Variants in NBEA observed in about 807,000 individuals in gnomAD.
NBEA encodes the protein lysosomal-trafficking regulator 2.
A neutral mutation model predicts 343.4 loss-of-function variants in NBEA; 44 were observed. The observed-to-expected ratio is 0.13, with a 90% CI of 0.10 to 0.16. NBEA has a LOEUF of 0.16. Among genes scored for constraint, NBEA ranks in the 10% least tolerant of loss-of-function variants. NBEA has a pLI of 1.00. For synonymous variants in NBEA, 1,175 were observed against 1,238.7 expected (o/e 0.95, Z 1.08); for missense variants, 2,555 against 3,631.3 (o/e 0.70, Z 7.62).
intron 41 of NBEA, among the ~76,000 whole-genome samples, chr13:35,473,674 G>T (rs760248259): frequency 1.1e-4 from 17 of 152,076 alleles, no homozygotes; most frequent in Non-Finnish European, 2.4e-4. Context: ...CTTAAATTTT[G>T]TGTTCATCCT....
intron 46 of NBEA, among the ~76,000 whole-genome samples, chr13:35,585,773 G>T (rs1264437278): frequency 6.6e-6 from 1 of 151,996 alleles, no homozygotes; most frequent in Non-Finnish European, 1.5e-5. Flanking sequence ...TCACTCAGCT[G>T]CCCAATCTAG....
At chr13:35,128,889 A>G (rs1414657517) in intron 17 of NBEA, among the ~76,000 whole-genome samples, 2 of 152,030 alleles carry the variant, frequency 1.3e-5, no homozygotes, top group Non-Finnish European at 2.9e-5. Flanking sequence ...TTAACCCTTC[A>G]CCCTACTTAA....
intron 10 of NBEA, among the ~76,000 whole-genome samples, chr13:35,081,848 A>C (rs1344072417): frequency 1.3e-5 from 2 of 152,122 alleles, no homozygotes; most frequent in Non-Finnish European, 2.9e-5. Context: ...CATTCATAGA[A>C]TGTGTAATGA....
chr13:35,118,309 C>A lies in NBEA; in HGVS notation c.2145+19C>A. 6.4e-7 allele frequency: 1 copy of A among 1,563,204 alleles called. No individual in the cohort carries two copies. Among genetic ancestry groups the A allele is most frequent in the South Asian group, 1.2e-5 (1 of 84,442 alleles). On this transcript the variant is annotated intron_variant, in intron 15 of 58. Transcript: ENST00000379939. Reference sequence around the variant, plus strand: ...GCATGAGGTAGGACATGTTATGGGCCTTTTATTTTAATTATTTAAGCCAAT... The same window carrying A: ...GCATGAGGTAGGACATGTTATGGGCATTTTATTTTAATTATTTAAGCCAAT...
At chr13:35,648,367 G>C (rs566687533) in intron 51 of NBEA, among the ~76,000 whole-genome samples, 3 of 152,074 alleles carry the variant, frequency 2.0e-5, no homozygotes, top group Admixed American at 2.0e-4. Context: ...TGTAGACATA[G>C]AGATGTGGCC....
intron 40 of NBEA, among the ~76,000 whole-genome samples, chr13:35,471,618 C>G (rs2075652200): frequency 6.6e-6 from 1 of 152,148 alleles, no homozygotes; most frequent in Admixed American, 6.5e-5. Flanking sequence ...TCAACCTTAA[C>G]AGATTGAGGG....
chr13:35,542,465 A>G lies in NBEA; in HGVS notation c.6586-8012A>G, dbSNP rs560232607. ...TGATCAATCTTTTGGTCCATATTACATTTTACTGACTATAGTGCCTGCCCT... is the reference window on the plus strand; with the variant it reads ...TGATCAATCTTTTGGTCCATATTACGTTTTACTGACTATAGTGCCTGCCCT... On this transcript the variant is annotated intron_variant, in intron 41 of 58. Coordinates refer to ENST00000379939, the MANE Select transcript of NBEA (RefSeq NM_001385012.1). Among the ~76,000 whole-genome samples the G allele has an allele frequency of 4.6e-4, 70 of 152,198 alleles. 4 individuals carry two copies. In the South Asian group the frequency reaches 0.014, roughly 30 times the overall value.
intron 41 of NBEA, among the ~76,000 whole-genome samples, chr13:35,505,229 TA>T (rs754936689): frequency 3.9e-5 from 6 of 152,038 alleles, no homozygotes; most frequent in Non-Finnish European, 8.8e-5. Context: ...ACTGGCTTTT[TA>T]AAAAAAATTA....
chr13:35,401,016 A>G (rs1594490054), intron 38 of NBEA, among the ~76,000 whole-genome samples: 1 of 152,016 alleles, frequency 6.6e-6, no homozygotes, highest in East Asian at 1.9e-4. Flanking sequence ...AGCAGAATTC[A>G]TAATTCCTTC....
chr13:34,943,539 C>T (rs1203926607), intron 1 of NBEA, among the ~76,000 whole-genome samples: 2 of 152,148 alleles, frequency 1.3e-5, no homozygotes, highest in Admixed American at 6.5e-5. Context: ...GCCTAAATTC[C>T]CCCGTGCTGC....
intron 45 of NBEA, among the ~76,000 whole-genome samples, chr13:35,582,501 A>C (rs1247211536): frequency 2.0e-5 from 3 of 152,136 alleles, no homozygotes; most frequent in Non-Finnish European, 2.9e-5. Context: ...AATTTAACAC[A>C]ATAAAATTTA....
chr13:35,244,942 C>T (rs534777468), intron 34 of NBEA, among the ~76,000 whole-genome samples: 1 of 152,206 alleles, frequency 6.6e-6, no homozygotes, highest in South Asian at 2.1e-4. Flanking sequence ...GATTCGTCTA[C>T]ATTAACTTTA....
chr13:35,054,615 T>TTTCACTG (rs1332907282), intron 6 of NBEA, among the ~76,000 whole-genome samples: 6 of 134,956 alleles, frequency 4.4e-5, no homozygotes, highest in African/African-American at 1.5e-4. Flanking sequence ...TAATACACTG[T>TTTCACTG]TTTTTTTTTC....
At chr13:35,010,548 TCCA>T (rs2061447189) in intron 1 of NBEA, among the ~76,000 whole-genome samples, 1 of 137,408 alleles carries the variant, frequency 7.3e-6, no homozygotes. Flanking sequence ...GCCACTGCAT[TCCA>T]GCCTGGGCGA....
intron 32 of NBEA, among the ~76,000 whole-genome samples, chr13:35,210,798 G>T (rs939852181): frequency 1.3e-5 from 2 of 151,920 alleles, no homozygotes; most frequent in African/African-American, 4.8e-5. Flanking sequence ...ATTTCTTGAT[G>T]TTTTTTATTT....
At chr13:35,657,466 A>G (rs1051019830) in intron 55 of NBEA, among the ~76,000 whole-genome samples, 2 of 152,138 alleles carry the variant, frequency 1.3e-5, no homozygotes, top group African/African-American at 4.8e-5. Context: ...TAATCTCCCT[A>G]TTTACTCTTT....
intron 38 of NBEA, among the ~76,000 whole-genome samples, chr13:35,369,289 A>C (rs1189347210): frequency 6.6e-6 from 1 of 151,088 alleles, no homozygotes; most frequent in African/African-American, 2.4e-5. Flanking sequence ...TTTTTATACC[A>C]ATACCATGCT....
chr13:35,234,194 A>G (rs1052787877), intron 34 of NBEA, among the ~76,000 whole-genome samples: 2 of 152,102 alleles, frequency 1.3e-5, no homozygotes, highest in African/African-American at 2.4e-5. Context: ...CTGATGTTTT[A>G]AGTAGGGCTG....
At chr13:35,518,370 A>G (rs1241882766) in intron 41 of NBEA, among the ~76,000 whole-genome samples, 3 of 152,266 alleles carry the variant, frequency 2.0e-5, no homozygotes, top group Admixed American at 6.5e-5. Flanking sequence ...ATATGGAAGC[A>G]GACTCTGAGA....
Sources: allele counts gnomAD v4.1 joint callset (sites outside exome capture counted in the v4.1 genomes callset), GRCh38; gene constraint gnomAD v4.1.1; transcripts MANE v1.5; gene names NCBI Gene and HGNC (gene_info 2026-07-23, HGNC 2026-07-21).